Variants in MACROH2A1 observed in about 807,000 individuals in gnomAD.
The protein encoded by MACROH2A1 is macroH2A.1 histone, also known as core histone macro-H2A.1.
A neutral mutation model predicts 31.6 loss-of-function variants in MACROH2A1; 2 were observed. The observed-to-expected ratio is 0.06, with a 90% CI of 0.03 to 0.20. The LOEUF (loss-of-function observed/expected upper bound fraction) is 0.20. MACROH2A1 is among the 10% of genes least tolerant of loss of function. MACROH2A1 has a pLI of 1.00. For missense variants in MACROH2A1, 230 were observed against 474.0 expected (o/e 0.49, Z 4.78); for synonymous variants, 169 against 189.6 (o/e 0.89, Z 0.89).
rs1253352928 is a variant in MACROH2A1 at position 135,343,846 on chromosome 5, G to A, written c.779-412C>T. ...CAAGTCGACTGGTGTGCTAATTATC[G>A]ACTTGCACACCAATATGATGTATTT... On this transcript the variant is annotated intron_variant, in intron 7 of 8. Coordinates refer to ENST00000511689, the MANE Select transcript of MACROH2A1 (RefSeq NM_138610.3). The A allele has an allele frequency of 1.6e-4, 40 of 246,852 alleles. 1 individual carries two copies. The highest frequency in any genetic ancestry group is 2.9e-4 in the East Asian group (3 of 10,436). The allele number at this position is 246,852 out of a possible 1,614,324, so 15.3% of individuals were successfully genotyped here.
rs767456951 is a variant in MACROH2A1 at position 135,343,277 on chromosome 5, T to C, written c.936A>G (p.Pro312=). Residue 312 remains proline, a synonymous_variant, in exon 8 of 9, where the codon CCA becomes CCG. Transcript: ENST00000511689. ...GCCCCTACCTGCCGCTGCCGATGGA[T>C]GGAAATGCAATGGATTTCAGCTTCT... The part of the protein sequence containing the change: ...DDKKLKSIAF[P]SIGSGRNGFP... The C allele has an allele frequency of 1.9e-5, 30 of 1,614,200 alleles. No homozygotes were observed. Among genetic ancestry groups the C allele is most frequent in the South Asian group, 3.3e-5 (3 of 91,086 alleles).
chr5:135,343,215 G>C, intron 8 of MACROH2A1, 45 bp downstream of exon 8: 1 of 1,610,560 alleles, frequency 6.2e-7, no homozygotes, highest in Non-Finnish European at 8.5e-7. Flanking sequence ...TGTGTGCGCA[G>C]AGAGACACAC....
In MACROH2A1 at chr5:135,389,126, A is replaced by G. The variant is rs1482423897; in HGVS notation, c.-33T>C. The G allele has an allele frequency of 6.3e-7, 1 of 1,598,440 alleles. No individual in the cohort carries two copies. Among genetic ancestry groups the G allele is most frequent in the Non-Finnish European group, 8.6e-7 (1 of 1,168,876 alleles). On this transcript the variant is annotated splice_region_variant and 5_prime_UTR_variant, in exon 2 of 9. Coordinates refer to ENST00000511689, the MANE Select transcript of MACROH2A1 (RefSeq NM_138610.3). ...GCCCTGGAGGCGGATCAGTGAGCAC[A>G]CTGTGAAGGCGAGAGGCACACCGGT...
At position 135,398,058 on chromosome 5, in the gene MACROH2A1, T is replaced by C. The variant is rs965191706; in HGVS notation, c.-34+1004A>G. On this transcript the variant is annotated intron_variant, in intron 1 of 8. Transcript: ENST00000511689. The surrounding 1 kb of genome is among the most constrained non-coding windows in gnomAD (Gnocchi z 4.6). ...AAGGCCTTTATAGTCATTGTAATTG[T>C]TGAATTCAAGGTTTGTCCCAGTTGT... Among the ~76,000 whole-genome samples the C allele has an allele frequency of 6.6e-6, 1 of 152,248 alleles. No individual in the cohort carries two copies. The highest frequency in any genetic ancestry group is 2.4e-5 in the African/African-American group (1 of 41,458).
At chr5:135,365,372 C>T (rs570448398) in intron 4 of MACROH2A1, among the ~76,000 whole-genome samples, 1 of 152,238 alleles carries the variant, frequency 6.6e-6, no homozygotes, top group South Asian at 2.1e-4. Flanking sequence ...ACTTCAATGG[C>T]CAAATACCTT....
chr5:135,347,786 G>A (rs1761036181), intron 6 of MACROH2A1, among the ~76,000 whole-genome samples: 1 of 152,186 alleles, frequency 6.6e-6, no homozygotes. Context: ...CTGCCCCTGG[G>A]GCCCAGTCTA....
intron 5 of MACROH2A1, chr5:135,358,056 CA>C (rs1204325197): frequency 1.2e-5 from 12 of 982,816 alleles, no homozygotes; most frequent in African/African-American, 1.7e-5. Flanking sequence ...CCTTTTGAAA[CA>C]TTTCCTAAAA....
chr5:135,350,656 A>C, intron 6 of MACROH2A1: 1 of 519,736 alleles, frequency 1.9e-6, no homozygotes, highest in Non-Finnish European at 3.5e-6. Flanking sequence ...CCTGGCTGAC[A>C]GCTAGCTTTA....
intron 7 of MACROH2A1, 127 bp from the exon 8 acceptor site, chr5:135,343,561 G>T: frequency 7.2e-7 from 1 of 1,391,280 alleles, no homozygotes; most frequent in South Asian, 1.3e-5. Flanking sequence ...TGTGTCCGAG[G>T]AGTTCCACAG....
chr5:135,395,697 T>A (rs1476657764), intron 1 of MACROH2A1, among the ~76,000 whole-genome samples: 1 of 152,226 alleles, frequency 6.6e-6, no homozygotes, highest in Admixed American at 6.5e-5. Context: ...AGACAACCAT[T>A]GCTCACAGAG....
In MACROH2A1 at chr5:135,370,195, G is replaced by A. The variant is rs137937852; in HGVS notation, c.173-53C>T. On this transcript the variant is annotated intron_variant, in intron 2 of 8. Coordinates refer to ENST00000511689, the MANE Select transcript of MACROH2A1 (RefSeq NM_138610.3). ...TCATGTTAGAGGACCATGTGTCCCCGCCCCGGTCCCCACATTCACAGTGCC... is the reference window on the plus strand; with the variant it reads ...TCATGTTAGAGGACCATGTGTCCCCACCCCGGTCCCCACATTCACAGTGCC... The A allele has an allele frequency of 2.4e-4, 271 of 1,132,506 alleles. 2 individuals are homozygous for A. Among genetic ancestry groups the A allele is most frequent in the East Asian group, 4.8e-4 (19 of 39,278 alleles). 70.2% of individuals were successfully genotyped at this position (1,132,506 alleles called of 1,614,324 possible). A position where few individuals can be genotyped will look rare whatever the true frequency, so the allele number is the denominator to read the frequency against.
chr5:135,377,857 C>T (rs945832659), intron 2 of MACROH2A1, among the ~76,000 whole-genome samples: 7 of 152,068 alleles, frequency 4.6e-5, no homozygotes, highest in Non-Finnish European at 8.8e-5. Flanking sequence ...CCTGCTTCTC[C>T]CAAAAAATGG....
chr5:135,374,891 G>T (rs1764650088), intron 2 of MACROH2A1, among the ~76,000 whole-genome samples: 1 of 152,144 alleles, frequency 6.6e-6, no homozygotes, highest in Non-Finnish European at 1.5e-5. Flanking sequence ...AGAACAATTA[G>T]GAGAAGAAAC....
At chr5:135,376,348 A>C (rs1018279849) in intron 2 of MACROH2A1, among the ~76,000 whole-genome samples, 1 of 152,188 alleles carries the variant, frequency 6.6e-6, no homozygotes, top group African/African-American at 2.4e-5. Flanking sequence ...TAATTTGGGA[A>C]TCTGTAAAGT....
intron 2 of MACROH2A1, among the ~76,000 whole-genome samples, chr5:135,370,962 G>A (rs1764103977): frequency 6.6e-6 from 1 of 152,180 alleles, no homozygotes; most frequent in Non-Finnish European, 1.5e-5. Flanking sequence ...TAGGGGTGAA[G>A]CATCTTGATG....
At chr5:135,338,437 G>C in intron 8 of MACROH2A1, among the ~76,000 whole-genome samples, 1 of 152,220 alleles carries the variant, frequency 6.6e-6, no homozygotes, top group Admixed American at 6.5e-5. Context: ...TGGCTTTGAA[G>C]GGTCTTTTAA....
rs905116141 is a variant in MACROH2A1 at position 135,357,837 on chromosome 5, A to T, written c.588+2660T>A. ...CCTGAGACTTCAGTATGTGAAATAC[A>T]TCATTAACATCAATGGTCAGGCTCC... On this transcript the variant is annotated intron_variant, in intron 5 of 8. Coordinates refer to ENST00000511689, the MANE Select transcript of MACROH2A1 (RefSeq NM_138610.3). 8 of 984,916 alleles carry T rather than the reference A, an allele frequency of 8.1e-6. No individual in the cohort carries two copies. The Admixed American group carries it at 4.9e-4, about 61-fold the overall frequency. 61.0% of individuals were successfully genotyped at this position (984,916 alleles called of 1,614,324 possible). A position where few individuals can be genotyped will look rare whatever the true frequency, so the allele number is the denominator to read the frequency against.
intron 2 of MACROH2A1, among the ~76,000 whole-genome samples, chr5:135,374,171 A>G (rs572877299): frequency 3.9e-5 from 6 of 152,266 alleles, no homozygotes; most frequent in African/African-American, 1.4e-4. Context: ...TCTCATCCTT[A>G]GTCCAGGTTT....
At chr5:135,392,993 A>G (rs1470891801) in intron 1 of MACROH2A1, among the ~76,000 whole-genome samples, 3 of 152,232 alleles carry the variant, frequency 2.0e-5, no homozygotes, top group Non-Finnish European at 2.9e-5. Context: ...AATAAGATGA[A>G]AAAAGGCCAT....
Sources: gnomAD v4.1 joint callset for allele counts (sites outside exome capture counted in the v4.1 genomes callset) on GRCh38, gnomAD v4.1.1 for gene constraint, Gnocchi (gnomAD v3.1) non-coding constraint, MANE v1.5 for transcripts, NCBI Gene and HGNC (gene_info 2026-07-23, HGNC 2026-07-21) for gene names.